Variants in TNR observed in about 807,000 individuals in gnomAD.
The protein encoded by TNR is tenascin-R.
In TNR, 45 loss-of-function variants were observed where a neutral mutation model predicts 150.4. The observed-to-expected ratio is 0.30, with a 90% CI of 0.24 to 0.38. The LOEUF (loss-of-function observed/expected upper bound fraction) is 0.38. Among genes scored for constraint, TNR ranks in the 10% least tolerant of loss-of-function variants. The probability of loss-of-function intolerance (pLI) is 1.00; values close to 1 mark genes in which losing one functional copy is unlikely to be tolerated. For missense variants in TNR, 1,544 were observed against 1,759.1 expected (o/e 0.88, Z 2.19); for synonymous variants, 687 against 678.4 (o/e 1.01, Z -0.20).
intron 1 of TNR, among the ~76,000 whole-genome samples, chr1:175,708,880 G>A (rs1043344380): frequency 1.9e-4 from 29 of 152,110 alleles, no homozygotes; most frequent in African/African-American, 6.0e-4. Context: ...CTGTGATATC[G>A]TCAAGCACTA....
intron 2 of TNR, among the ~76,000 whole-genome samples, chr1:175,458,934 C>T (rs1234185397): frequency 7.0e-6 from 1 of 143,574 alleles, no homozygotes; most frequent in East Asian, 1.9e-4. Context: ...CCATCATCAC[C>T]ACCACCATTA....
At chr1:175,385,002 A>T (rs1652855570) in intron 8 of TNR, among the ~76,000 whole-genome samples, 1 of 152,210 alleles carries the variant, frequency 6.6e-6, no homozygotes, top group Non-Finnish European at 1.5e-5. Context: ...CTTATGCCAC[A>T]GTCTAAGGTA....
intron 2 of TNR, among the ~76,000 whole-genome samples, chr1:175,463,203 C>T (rs1015311879): frequency 6.6e-6 from 1 of 152,070 alleles, no homozygotes; most frequent in African/African-American, 2.4e-5. Flanking sequence ...TTACATAGGG[C>T]CTCATTAGGT....
At chr1:175,468,301 A>G (rs1657122637) in intron 2 of TNR, among the ~76,000 whole-genome samples, 1 of 152,190 alleles carries the variant, frequency 6.6e-6, no homozygotes, top group African/African-American at 2.4e-5. Context: ...TTCCTCAATC[A>G]TATATGGATG....
At chr1:175,466,467 T>G (rs932264651) in intron 2 of TNR, among the ~76,000 whole-genome samples, 3 of 152,250 alleles carry the variant, frequency 2.0e-5, no homozygotes, top group African/African-American at 7.2e-5. Flanking sequence ...AGGAGATTTG[T>G]GTGCTGCTGA....
chr1:175,690,022 A>T (rs1666314170), intron 1 of TNR, among the ~76,000 whole-genome samples: 1 of 152,226 alleles, frequency 6.6e-6, no homozygotes, highest in Non-Finnish European at 1.5e-5. Context: ...TAACAAATGG[A>T]TAAGTCAAGG....
chr1:175,623,149 C>G (rs1420592781), intron 1 of TNR, among the ~76,000 whole-genome samples: 1 of 152,174 alleles, frequency 6.6e-6, no homozygotes, highest in Non-Finnish European at 1.5e-5. Flanking sequence ...TATTGGCTTA[C>G]CTTTCTAAAG....
chr1:175,632,340 T>C (rs1042476985), intron 1 of TNR, among the ~76,000 whole-genome samples: 1 of 152,224 alleles, frequency 6.6e-6, no homozygotes, highest in Non-Finnish European at 1.5e-5. Flanking sequence ...GAGGACTCTG[T>C]AGGGCATCAG....
At chr1:175,654,088 A>C (rs141385285) in intron 1 of TNR, among the ~76,000 whole-genome samples, 315 of 152,330 alleles carry the variant, frequency 2.1e-3, no homozygotes, top group African/African-American at 7.3e-3. Flanking sequence ...ATTATCTTAA[A>C]GCACACTGGT....
chr1:175,675,209 G>A (rs917007644), intron 1 of TNR, among the ~76,000 whole-genome samples: 6 of 152,130 alleles, frequency 3.9e-5, no homozygotes, highest in East Asian at 3.9e-4. Flanking sequence ...GCTTGTCGCC[G>A]CTGGCTTGTT....
At chr1:175,397,546 T>G (rs893906135) in intron 4 of TNR, among the ~76,000 whole-genome samples, 1 of 152,200 alleles carries the variant, frequency 6.6e-6, no homozygotes, top group African/African-American at 2.4e-5. Context: ...CTGATTATCT[T>G]GCAAATTATG....
intron 14 of TNR, among the ~76,000 whole-genome samples, chr1:175,361,310 A>G (rs977182437): frequency 1.3e-5 from 2 of 152,198 alleles, no homozygotes; most frequent in African/African-American, 2.4e-5. Context: ...ATTGTCCTCA[A>G]TGGGAAAAAG....
At chr1:175,579,857 T>A (rs1662279813) in intron 1 of TNR, among the ~76,000 whole-genome samples, 1 of 152,100 alleles carries the variant, frequency 6.6e-6, no homozygotes, top group Admixed American at 6.6e-5. Context: ...CTTTTATCCT[T>A]CCATTGCTTT....
At position 175,330,230 on chromosome 1, in the gene TNR, C is replaced by T. The variant is rs1477700966; in HGVS notation, c.3637G>A (p.Asp1213Asn). The T allele has an allele frequency of 8.9e-6, 14 of 1,568,776 alleles. No individual in the cohort carries two copies. Among genetic ancestry groups the T allele is most frequent in the Non-Finnish European group, 3.5e-6 (4 of 1,149,272 alleles). Reference sequence around the variant, plus strand: ...TGGGATGTGATCCTGTGTATATTGTCCAGCCCTGTGGAGAAGAGCAGAAAA... The same window carrying T: ...TGGGATGTGATCCTGTGTATATTGTTCAGCCCTGTGGAGAAGAGCAGAAAA... ...NVEDEFWLGL[D>N]NIHRITSQGR... The change falls in exon 21 of 23, where the codon GAC becomes AAC. Residue 1213 changes from aspartate to asparagine, a missense_variant. Physicochemically the swap from Asp to Asn is conservative, Grantham distance 23. Coordinates refer to ENST00000367674, the MANE Select transcript of TNR (RefSeq NM_003285.3).
In TNR at chr1:175,330,108, G is replaced by A. The variant is rs1381049340; in HGVS notation, c.3759C>T (p.Tyr1253=). ...CGTTGTAGCTTCCTATGCGGAGTTT[G>A]TACAGGTTTCTGCTGTCCTCGACAG... The part of the protein sequence containing the change: ...RFSVEDSRNL[Y]KLRIGSYNGT... The change falls in exon 21 of 23, where the codon TAC becomes TAT. Residue 1253 remains tyrosine (Y), a synonymous_variant. Transcript: ENST00000367674. 1.9e-6 allele frequency: 3 copies of A among 1,608,742 alleles called. No homozygotes were observed. The highest frequency in any genetic ancestry group is 2.6e-6 in the Non-Finnish European group (3 of 1,175,934).
At position 175,403,287 on chromosome 1, in the gene TNR, C is replaced by A. The variant is rs780299242; in HGVS notation, c.829G>T (p.Ala277Ser). 2 of 1,614,172 alleles carry A rather than the reference C, an allele frequency of 1.2e-6. No individual in the cohort carries two copies. The highest frequency in any genetic ancestry group is 1.7e-6 in the Non-Finnish European group (2 of 1,180,028). The change falls in exon 4 of 23, where the codon GCC becomes TCC. Residue 277 changes from alanine (A) to serine (S), a missense_variant. Physicochemically the swap from Ala to Ser is moderately conservative, Grantham distance 99 (BLOSUM62 1). This residue lies in a region of TNR where 1,254 missense variants were observed against 1,329.4 expected (regional missense o/e 0.94). Transcript: ENST00000367674. ...PGDCSGKGRC[A>S]NGTCLCEEGY... ...TCCTCGCATAAACAGGTACCGTTGGCACATCTCCCCTTCCCCGAACAGTCC... is the reference window on the plus strand; with the variant it reads ...TCCTCGCATAAACAGGTACCGTTGGAACATCTCCCCTTCCCCGAACAGTCC...
chr1:175,671,668 T>A (rs1341542916), intron 1 of TNR, among the ~76,000 whole-genome samples: 2 of 152,248 alleles, frequency 1.3e-5, no homozygotes, highest in Non-Finnish European at 2.9e-5. Context: ...GATACACTTA[T>A]ACTTAAAAAG....
chr1:175,685,403 C>T (rs902423376), intron 1 of TNR, among the ~76,000 whole-genome samples: 1 of 152,150 alleles, frequency 6.6e-6, no homozygotes, highest in South Asian at 2.1e-4. Context: ...TGCTGTCAGG[C>T]CACATTAAAG....
intron 7 of TNR, among the ~76,000 whole-genome samples, chr1:175,389,633 G>A (rs1653082772): frequency 6.6e-6 from 1 of 152,226 alleles, no homozygotes; most frequent in African/African-American, 2.4e-5. Context: ...CATTTCTGAA[G>A]GCTCCTTTGT....
Sources: gnomAD v4.1 joint callset for allele counts (sites outside exome capture counted in the v4.1 genomes callset) on GRCh38, gnomAD v4.1.1 for gene constraint, gnomAD v4.1.1 regional missense constraint, MANE v1.5 for transcripts, NCBI Gene and HGNC (gene_info 2026-07-23, HGNC 2026-07-21) for gene names.